Variants in TMEM260 observed in about 807,000 individuals in gnomAD.
TMEM260 encodes protein O-mannosyl-transferase TMEM260.
Under a neutral mutation model 88.9 loss-of-function variants are expected in TMEM260, and 82 were observed. The ratio of observed to expected loss-of-function variants is 0.92; its 90% CI spans 0.77 to 1.11. The LOEUF is 1.11. Among genes scored for constraint, TMEM260 ranks in the 50% least tolerant of loss-of-function variants. TMEM260 has a pLI of 0.00. For synonymous variants in TMEM260, 314 were observed against 309.3 expected (o/e 1.02, Z -0.16); for missense variants, 902 against 853.4 (o/e 1.06, Z -0.71).
rs973467671 is a variant in TMEM260 at position 56,643,121 on chromosome 14, C to G, written c.1870-4122C>G. Among the ~76,000 whole-genome samples the G allele has an allele frequency of 3.3e-5, 5 of 152,152 alleles. No homozygotes were observed. The East Asian group carries it at 9.6e-4, about 29-fold the overall frequency. On this transcript the variant is annotated intron_variant, in intron 15 of 15. Coordinates refer to ENST00000261556, the MANE Select transcript of TMEM260 (RefSeq NM_017799.4). ...TGGTACCATTCCTTCTGAAACGATTCCAATCAATAGAAAAAGAGGGAATCC... is the reference window on the plus strand; with the variant it reads ...TGGTACCATTCCTTCTGAAACGATTGCAATCAATAGAAAAAGAGGGAATCC...
chr14:56,621,441 G>C, intron 10 of TMEM260, 90 bp from the exon 11 acceptor site: 1 of 921,238 alleles, frequency 1.1e-6, no homozygotes, highest in East Asian at 2.5e-5. Flanking sequence ...ATTGTATGAT[G>C]GGAAAAGAAT....
chr14:56,656,422 AT>A, the TMEM260 span, among the ~76,000 whole-genome samples: 11 of 152,174 alleles, frequency 7.2e-5, no homozygotes, highest in East Asian at 7.7e-4. Flanking sequence ...CTTATCTCAA[AT>A]AAATAAATAA....
intron 3 of TMEM260, among the ~76,000 whole-genome samples, chr14:56,587,650 A>C (rs1270626653): frequency 6.6e-6 from 1 of 152,084 alleles, no homozygotes; most frequent in African/African-American, 2.4e-5. Context: ...TTAATAATAT[A>C]GTATGTGCTT....
intron 3 of TMEM260, among the ~76,000 whole-genome samples, chr14:56,603,159 G>T (rs1192217149): frequency 6.6e-6 from 1 of 152,050 alleles, no homozygotes; most frequent in Non-Finnish European, 1.5e-5. Context: ...ATTTGTTTCT[G>T]AGTGTAGCAT....
intron 3 of TMEM260, among the ~76,000 whole-genome samples, chr14:56,596,068 T>C (rs1276670308): frequency 2.0e-5 from 3 of 152,088 alleles, no homozygotes; most frequent in African/African-American, 4.8e-5. Context: ...ACACCATTTA[T>C]ATAGTAGTAA....
Position 56,616,006 on chromosome 14 carries a change from C to G in TMEM260, c.920C>G (p.Ala307Gly). 1 of 1,612,048 alleles carries G rather than the reference C, an allele frequency of 6.2e-7. No homozygotes were observed. Among genetic ancestry groups the G allele is most frequent in the Admixed American group, 1.7e-5 (1 of 60,000 alleles). ...SFNIQALAVC[A>G]NICLATKDRQ... is the part of the protein sequence containing the mutation. The stretch of plus-strand genomic sequence containing the variant: ...AACATCCAAGCCCTTGCAGTTTGTG[C>G]AAATATATGTTTAGCAACAAAGTAA... The change falls in exon 8 of 16, where the codon GCA becomes GGA. Residue 307 changes from alanine to glycine, a missense_variant. Transcript: ENST00000261556.
chr14:56,602,829 T>G (rs748907422), intron 3 of TMEM260, among the ~76,000 whole-genome samples: 4 of 152,094 alleles, frequency 2.6e-5, no homozygotes, highest in Non-Finnish European at 5.9e-5. Flanking sequence ...AAATAATGAT[T>G]GACTAAAGCC....
the TMEM260 span, among the ~76,000 whole-genome samples, chr14:56,660,937 C>T: frequency 1.3e-5 from 2 of 152,234 alleles, no homozygotes; most frequent in African/African-American, 4.8e-5. Flanking sequence ...GCCTCAAATA[C>T]ACACATTTGT....
chr14:56,605,265 T>G (rs903454624), intron 4 of TMEM260, among the ~76,000 whole-genome samples: 1 of 152,234 alleles, frequency 6.6e-6, no homozygotes, highest in Admixed American at 6.5e-5. Context: ...TTTACTTGAA[T>G]AAGCATTACA....
At chr14:56,640,666 G>A (rs565265686) in intron 15 of TMEM260, among the ~76,000 whole-genome samples, 2 of 152,198 alleles carry the variant, frequency 1.3e-5, no homozygotes, top group Non-Finnish European at 2.9e-5. Context: ...CGAGTTGAGA[G>A]AAGAAGGCTT....
At chr14:56,610,742 G>A (rs1443266365) in intron 6 of TMEM260, among the ~76,000 whole-genome samples, 3 of 151,830 alleles carry the variant, frequency 2.0e-5, no homozygotes, top group African/African-American at 7.3e-5. Flanking sequence ...GAAAAATATT[G>A]TCTGAAGACC....
the TMEM260 span, among the ~76,000 whole-genome samples, chr14:56,661,768 T>C: frequency 6.6e-6 from 1 of 152,184 alleles, no homozygotes; most frequent in Non-Finnish European, 1.5e-5. Flanking sequence ...CAGATTTTGT[T>C]ATCTTTTCTC....
At chr14:56,642,698 CA>C (rs1260180930) in intron 15 of TMEM260, among the ~76,000 whole-genome samples, 2 of 148,666 alleles carry the variant, frequency 1.3e-5, no homozygotes, top group Non-Finnish European at 3.0e-5. Flanking sequence ...AAAAACCCTT[CA>C]AAAAAATCAA....
At chr14:56,609,403 G>T in intron 6 of TMEM260, 118 bp downstream of exon 6, 25 of 963,712 alleles carry the variant, frequency 2.6e-5, no homozygotes, top group Non-Finnish European at 3.8e-5. Context: ...GTTTGTTTTG[G>T]TTATTTATGT....
intron 15 of TMEM260, among the ~76,000 whole-genome samples, chr14:56,644,187 C>G (rs1197069023): frequency 6.6e-6 from 1 of 152,064 alleles, no homozygotes; most frequent in Non-Finnish European, 1.5e-5. Context: ...AAAAAAGAGC[C>G]CACATTGCCA....
At chr14:56,638,326 A>G (rs960509617) in intron 15 of TMEM260, 1 of 152,108 alleles carries the variant, frequency 6.6e-6, no homozygotes, top group East Asian at 1.9e-4. Context: ...TTTCTAAAAA[A>G]GAAAAAAAAA....
At chr14:56,600,549 T>C (rs549385671) in intron 3 of TMEM260, among the ~76,000 whole-genome samples, 2 of 152,262 alleles carry the variant, frequency 1.3e-5, no homozygotes, top group African/African-American at 4.8e-5. Context: ...TTAAGGGAGA[T>C]ACACAAATGG....
chr14:56,649,701 CTT>C (rs1386332364), downstream of TMEM260, among the ~76,000 whole-genome samples: 1 of 145,134 alleles, frequency 6.9e-6, no homozygotes, highest in Non-Finnish European at 1.5e-5. Context: ...ATGAAGACCT[CTT>C]TTTGAGACTG....
intron 15 of TMEM260, among the ~76,000 whole-genome samples, chr14:56,640,659 G>A (rs1404301964): frequency 6.6e-6 from 1 of 152,200 alleles, no homozygotes; most frequent in Admixed American, 6.5e-5. Context: ...ACTTTGACGA[G>A]TTGAGAGAAG....
Sources: gnomAD v4.1 joint callset for allele counts (sites outside exome capture counted in the v4.1 genomes callset) on GRCh38, gnomAD v4.1.1 for gene constraint, MANE v1.5 for transcripts, NCBI Gene and HGNC (gene_info 2026-07-23, HGNC 2026-07-21) for gene names.